The following SUGCT variants were observed in gnomAD, a reference collection of about 807,000 sequenced individuals.
SUGCT encodes the protein succinyl-CoA:glutarate-CoA transferase.
A neutral mutation model predicts 55.0 loss-of-function variants in SUGCT; 41 were observed. The ratio of observed to expected loss-of-function variants is 0.74; its 90% CI spans 0.58 to 0.97. The LOEUF (loss-of-function observed/expected upper bound fraction) is 0.97. Ranked by LOEUF, SUGCT falls within the 50% of genes least tolerant of loss-of-function variation. The pLI is 0.00. For missense variants in SUGCT, 568 were observed against 547.8 expected (o/e 1.04, Z -0.37); for synonymous variants, 187 against 200.4 (o/e 0.93, Z 0.56).
the SUGCT span, among the ~76,000 whole-genome samples, chr7:40,900,857 C>T: frequency 1.3e-5 from 2 of 152,176 alleles, no homozygotes; most frequent in Non-Finnish European, 2.9e-5. Context: ...TTAACCTATG[C>T]GTTATTTTTC....
chr7:40,750,839 G>A (rs1360284009), intron 13 of SUGCT, among the ~76,000 whole-genome samples: 1 of 152,106 alleles, frequency 6.6e-6, no homozygotes, highest in African/African-American at 2.4e-5. Context: ...AAAAAATGTT[G>A]ACAAAAGCTA....
chr7:40,249,321 A>ATCTATCTATCTATCTATC (rs1326008353), intron 7 of SUGCT, among the ~76,000 whole-genome samples: 1 of 109,466 alleles, frequency 9.1e-6, no homozygotes, highest in African/African-American at 4.0e-5. Context: ...AGCTATATAT[A>ATCTATCTATCTATCTATC]TATATATATA....
At chr7:40,753,292 A>G (rs1405737301) in intron 13 of SUGCT, among the ~76,000 whole-genome samples, 1 of 152,196 alleles carries the variant, frequency 6.6e-6, no homozygotes, top group Non-Finnish European at 1.5e-5. Context: ...TAAATGCTAT[A>G]GACATAACTC....
rs113159920 is a variant in SUGCT, at chr7:40,172,435, G to C, written c.101-8512G>C. ...TAGCCTAGATGCCTAAGGACACAGCGTAGCGCTTCCTTAGATCCCTTTGGA... is the reference window on the plus strand; with the variant it reads ...TAGCCTAGATGCCTAAGGACACAGCCTAGCGCTTCCTTAGATCCCTTTGGA... On this transcript the variant is annotated intron_variant, in intron 1 of 13. Transcript: ENST00000335693. Among the ~76,000 whole-genome samples, 529 of 152,276 alleles carry C rather than the reference G, an allele frequency of 3.5e-3. 6 individuals carry two copies. The highest frequency in any genetic ancestry group is 0.012 in the African/African-American group (479 of 41,554).
the SUGCT span, among the ~76,000 whole-genome samples, chr7:40,969,822 T>A: frequency 6.6e-6 from 1 of 152,220 alleles, no homozygotes; most frequent in Non-Finnish European, 1.5e-5. Flanking sequence ...GTTTTCTGAA[T>A]AAATTACAGA....
At chr7:40,781,837 C>T (rs1317670311) in intron 13 of SUGCT, among the ~76,000 whole-genome samples, 2 of 152,058 alleles carry the variant, frequency 1.3e-5, no homozygotes, top group African/African-American at 4.8e-5. Context: ...CATCTTCTTT[C>T]CTATCTGGAC....
At chr7:40,658,435 C>T (rs566253665) in intron 12 of SUGCT, among the ~76,000 whole-genome samples, 129 of 152,150 alleles carry the variant, frequency 8.5e-4, no homozygotes, top group Non-Finnish European at 1.7e-3. Flanking sequence ...GGCTTAAAGT[C>T]CTATCTTTTT....
chr7:40,139,168 A>AATCAATC (rs1562788688), intron 1 of SUGCT, among the ~76,000 whole-genome samples: 10 of 148,838 alleles, frequency 6.7e-5, no homozygotes, highest in African/African-American at 2.5e-4. Flanking sequence ...ATAAATAAAT[A>AATCAATC]AATAAATAAA....
chr7:40,450,401 A>G (rs928718417), intron 10 of SUGCT, among the ~76,000 whole-genome samples: 11 of 151,442 alleles, frequency 7.3e-5, no homozygotes, highest in Non-Finnish European at 1.6e-4. Flanking sequence ...TTACCTGTTA[A>G]GGATTTTTTT....
the SUGCT span, among the ~76,000 whole-genome samples, chr7:40,989,883 T>A: frequency 4.6e-5 from 7 of 152,222 alleles, no homozygotes; most frequent in Non-Finnish European, 1.0e-4. Context: ...CTAGTTATCT[T>A]GCTATTTCTA....
chr7:40,960,847 G>A, the SUGCT span, among the ~76,000 whole-genome samples: 15 of 152,088 alleles, frequency 9.9e-5, no homozygotes, highest in Admixed American at 9.8e-4. Flanking sequence ...AAAAGTTAAT[G>A]CATTAGTCCA....
At chr7:40,996,282 C>T in the SUGCT span, among the ~76,000 whole-genome samples, 1 of 152,100 alleles carries the variant, frequency 6.6e-6, no homozygotes, top group South Asian at 2.1e-4. Context: ...ATGAAACATT[C>T]CCTGTGCATC....
the SUGCT span, among the ~76,000 whole-genome samples, chr7:40,968,350 C>T: frequency 3.0e-3 from 460 of 152,308 alleles, 4 homozygotes; most frequent in Non-Finnish European, 5.0e-3. Flanking sequence ...CCGTGTCTGC[C>T]GAGTCCACTG....
chr7:40,517,172 A>G (rs1793282817), intron 12 of SUGCT, among the ~76,000 whole-genome samples: 1 of 150,154 alleles, frequency 6.7e-6, no homozygotes, highest in African/African-American at 2.4e-5. Context: ...TTAATTTTGT[A>G]GGTTAATCTT....
intron 12 of SUGCT, among the ~76,000 whole-genome samples, chr7:40,581,900 G>A (rs1342081467): frequency 6.6e-6 from 1 of 152,054 alleles, no homozygotes; most frequent in Non-Finnish European, 1.5e-5. Context: ...AAATAGAAGA[G>A]ACTATTGGGC....
intron 12 of SUGCT, among the ~76,000 whole-genome samples, chr7:40,527,150 A>T (rs1301371482): frequency 6.6e-6 from 1 of 152,188 alleles, no homozygotes; most frequent in African/African-American, 2.4e-5. Context: ...AGTCTTTATG[A>T]TCTAAATATT....
chr7:40,141,139 C>T (rs867007921), intron 1 of SUGCT, among the ~76,000 whole-genome samples: 23 of 150,720 alleles, frequency 1.5e-4, no homozygotes, highest in African/African-American at 4.4e-4. Context: ...GTTTCGTCCT[C>T]GGGTAGAACA....
intron 6 of SUGCT, among the ~76,000 whole-genome samples, chr7:40,227,053 T>TC (rs944787988): frequency 5.7e-5 from 8 of 141,112 alleles, no homozygotes; most frequent in Middle Eastern, 3.5e-3. Flanking sequence ...CTTTTTTTTT[T>TC]TTTTTTTTTT....
the SUGCT span, among the ~76,000 whole-genome samples, chr7:40,984,187 A>C: frequency 1.3e-5 from 2 of 152,160 alleles, no homozygotes; most frequent in East Asian, 3.9e-4. Flanking sequence ...CCAAATACGA[A>C]GATTTGGTTG....
Sources: allele counts gnomAD v4.1 joint callset (sites outside exome capture counted in the v4.1 genomes callset), GRCh38; gene constraint gnomAD v4.1.1; transcripts MANE v1.5; gene names NCBI Gene and HGNC (gene_info 2026-07-23, HGNC 2026-07-21).